CCDC106: variants seen among roughly 807,000 people sequenced by gnomAD.
The protein encoded by CCDC106 is coiled-coil domain containing 106, also known as coiled-coil domain-containing protein 106.
A neutral mutation model predicts 24.7 loss-of-function variants in CCDC106; 17 were observed. That is an observed-to-expected ratio of 0.69 (90% CI 0.47 to 1.03). The LOEUF is 1.03. Ranked by LOEUF, CCDC106 falls within the 50% of genes least tolerant of loss-of-function variation. The pLI is 0.00. For missense variants in CCDC106, 337 were observed against 388.9 expected, an observed-to-expected ratio of 0.87 and a Z score of 1.12; for synonymous variants, 211 against 161.3, an observed-to-expected ratio of 1.31 and a Z score of -2.34.
chr19:55,651,624 C>T (rs1042766196), intron 4 of CCDC106, 129 bp downstream of exon 4: 2 of 645,000 alleles, frequency 3.1e-6, no homozygotes, highest in East Asian at 5.6e-5. Flanking sequence ...CGGGTTCTGT[C>T]TCTCCCTCCT....
chr19:55,652,939 G>C lies in CCDC106; in HGVS notation c.*193G>C, dbSNP rs1001037145. On this transcript the variant is annotated 3_prime_UTR_variant, in exon 5 of 5. Transcript: ENST00000586790. The surrounding 1 kb of genome is among the most constrained non-coding windows in gnomAD (Gnocchi z 5.9). ...TTCCCGAACGCCGGCACCCCCTTCC[G>C]CTTGGGCTGCCCAGCCCTGTCCTCG... 1 of 577,104 alleles carries C rather than the reference G, an allele frequency of 1.7e-6. No individual in the cohort carries two copies. Among genetic ancestry groups the C allele is most frequent in the Admixed American group, 3.1e-5 (1 of 31,970 alleles). 35.7% of individuals were successfully genotyped at this position (577,104 alleles called of 1,614,324 possible).
rs1051593881 is a variant in CCDC106, at chr19:55,648,229, G to T, written c.-818G>T. ...CACTTTGCAGACGCTCCCCGGCGCC[G>T]GGCATGGGCGCCGCCGCCGTCGGTC... On this transcript the variant is annotated 5_prime_UTR_variant, in exon 1 of 5. Transcript: ENST00000586790. 2.0e-5 allele frequency: 3 copies of T among 152,106 alleles called. No individual in the cohort carries two copies. The highest frequency in any genetic ancestry group is 6.5e-5 in the Admixed American group (1 of 15,284). The allele number at this position is 152,106 out of a possible 1,614,324, so 9.4% of individuals were successfully genotyped here.
intron 3 of CCDC106, among the ~76,000 whole-genome samples, chr19:55,650,398 G>A (rs925231888): frequency 2.0e-5 from 3 of 152,114 alleles, no homozygotes; most frequent in Admixed American, 6.5e-5. Flanking sequence ...TTCCCCGGAT[G>A]GTCAGGCCGT....
Position 55,652,457 on chromosome 19 carries a change from G to A in CCDC106, c.554G>A (p.Arg185Gln). 1 of 1,606,524 alleles carries A rather than the reference G, an allele frequency of 6.2e-7. No individual in the cohort carries two copies. The highest frequency in any genetic ancestry group is 8.5e-7 in the Non-Finnish European group (1 of 1,174,912). The change falls in exon 5 of 5, where the codon CGG becomes CAG. Residue 185 changes from arginine to glutamine, a missense_variant. Arg to Gln is a conservative substitution (Grantham distance 43). Around this residue, in one of 2 missense-constraint regions of CCDC106, gnomAD observed 103 missense variants for 152.4 expected, o/e 0.68. Transcript: ENST00000586790. The surrounding 1 kb of genome is among the most constrained non-coding windows in gnomAD (Gnocchi z 5.9). Reference protein sequence around the residue: ...RVKDADGVLCRYKKILGTFQK... With the variant: ...RVKDADGVLCQYKKILGTFQK... The stretch of plus-strand genomic sequence containing the variant: ...AAGGACGCCGACGGGGTCCTCTGCC[G>A]GTACAAGAAGATCCTGGGCACCTTC...
In CCDC106 at chr19:55,652,647, C is replaced by G. The variant is rs1983399058; in HGVS notation, c.744C>G (p.Arg248=). 1 of 1,613,382 alleles carries G rather than the reference C, an allele frequency of 6.2e-7. No individual in the cohort carries two copies. The highest frequency in any genetic ancestry group is 2.2e-5 in the East Asian group (1 of 44,864). The change falls in exon 5 of 5, where the codon CGC becomes CGG. Residue 248 remains arginine (R), a synonymous_variant. Coordinates refer to ENST00000586790, the MANE Select transcript of CCDC106 (RefSeq NM_001370470.1). This position sits in a 1 kb window ranked among gnomAD's most constrained non-coding sequence, Gnocchi z 5.9. The part of the protein sequence containing the change: ...PSKERLLEYS[R]RCFLALDDET... ...AGGAGCGCCTGCTCGAGTACTCCCG[C>G]CGCTGCTTTCTGGCCCTGGACGACG...
At chr19:55,650,980 TC>T (rs1323597670) in intron 3 of CCDC106, among the ~76,000 whole-genome samples, 1 of 151,816 alleles carries the variant, frequency 6.6e-6, no homozygotes. Flanking sequence ...CAGAAATTTC[TC>T]CCTCCCCTAT....
intron 3 of CCDC106, 45 bp from the exon 4 acceptor site, chr19:55,651,238 G>A: frequency 1.4e-6 from 2 of 1,422,252 alleles, no homozygotes; most frequent in Non-Finnish European, 2.0e-6. Context: ...ACCTGTGATG[G>A]GATGTCTGGT....
intron 3 of CCDC106, among the ~76,000 whole-genome samples, chr19:55,649,990 T>G (rs1419060063): frequency 6.6e-6 from 1 of 152,160 alleles, no homozygotes; most frequent in Non-Finnish European, 1.5e-5. Context: ...AGGGGGCCCC[T>G]GCTCCTCCTC....
Position 55,649,444 on chromosome 19 carries a change from T to C in CCDC106, c.173T>C (p.Met58Thr). Residue 58 changes from methionine to threonine, a missense_variant, in exon 3 of 5, where the codon ATG becomes ACG. Met to Thr is a moderately conservative substitution (Grantham distance 81). Transcript: ENST00000586790. ...GCTGCGTCCTCCGCCCTGGCTCTGA[T>C]GAACAGCGTCAAGACCCAGCTGCAC... ...PEAASSALAL[M>T]NSVKTQLHMA... 1.2e-6 allele frequency: 2 copies of C among 1,614,128 alleles called. No individual in the cohort carries two copies. The highest frequency in any genetic ancestry group is 1.7e-6 in the Non-Finnish European group (2 of 1,179,998).
Position 55,649,579 on chromosome 19 carries a change from A to T in CCDC106, c.308A>T (p.Glu103Val). The change falls in exon 3 of 5, where the codon GAG (glutamate) becomes GTG (valine). Residue 103 changes from glutamate to valine, a missense_variant. Around this residue, in one of 2 missense-constraint regions of CCDC106, gnomAD observed 234 missense variants for 236.5 expected, o/e 0.99. Coordinates refer to ENST00000586790, the MANE Select transcript of CCDC106 (RefSeq NM_001370470.1). ...AAATTCATCTCTTCTGCTCGGATGG[A>T]GGCAGGTGTGTGTGGGGTGCTCTGA... ...LDKFISSARM[E>V]AEDHCRMKPG... The T allele has an allele frequency of 6.2e-7, 1 of 1,613,516 alleles. No individual in the cohort carries two copies. Among genetic ancestry groups the T allele is most frequent in the Non-Finnish European group, 8.5e-7 (1 of 1,179,680 alleles).
intron 3 of CCDC106, among the ~76,000 whole-genome samples, chr19:55,649,917 C>A (rs1983129489): frequency 6.6e-6 from 1 of 152,046 alleles, no homozygotes; most frequent in African/African-American, 2.4e-5. Context: ...TCTTCTGACT[C>A]CTAGGGGGAC....
chr19:55,652,704 G>A lies in CCDC106; in HGVS notation c.801G>A (p.Lys267=). 1 of 1,612,828 alleles carries A rather than the reference G, an allele frequency of 6.2e-7. No homozygotes were observed. Among genetic ancestry groups the A allele is most frequent in the Non-Finnish European group, 8.5e-7 (1 of 1,179,864 alleles). The change falls in exon 5 of 5, where the codon AAG becomes AAA. Residue 267 remains lysine, a synonymous_variant. Coordinates refer to ENST00000586790, the MANE Select transcript of CCDC106 (RefSeq NM_001370470.1). This position sits in a 1 kb window ranked among gnomAD's most constrained non-coding sequence, Gnocchi z 5.9. ...ETLKKVQALK[K]SKLLLPITYR... is the part of the protein sequence containing the mutation. ...TCAAGAAGGTGCAGGCGCTCAAGAA[G>A]AGCAAGCTGCTGCTGCCCATCACCT...
rs767261999 is a variant in CCDC106, at chr19:55,652,755, C to G, written c.*9C>G. On this transcript the variant is annotated 3_prime_UTR_variant, in exon 5 of 5. Coordinates refer to ENST00000586790, the MANE Select transcript of CCDC106 (RefSeq NM_001370470.1). The surrounding 1 kb of genome is among the most constrained non-coding windows in gnomAD (Gnocchi z 5.9). ...ACCGCTTCAAGCGGTGATCGCACCA[C>G]GCCTCCGCGCCTCCACCCGGGCCTT... The G allele has an allele frequency of 1.3e-6, 2 of 1,594,582 alleles. No individual in the cohort carries two copies. The highest frequency in any genetic ancestry group is 1.3e-5 in the African/African-American group (1 of 74,514).
rs144532715 is a variant in CCDC106 at position 55,652,553 on chromosome 19, C to T, written c.650C>T (p.Thr217Met). Reference sequence around the variant, plus strand: ...GACAGGAACACCGTGGCGCTGACCACGCCCATCGCCGAGCTGCTCATTGTG... The same window carrying T: ...GACAGGAACACCGTGGCGCTGACCATGCCCATCGCCGAGCTGCTCATTGTG... ...RVDRNTVALTTPIAELLIVAP... is the reference protein window; with the variant it reads ...RVDRNTVALTMPIAELLIVAP... Residue 217 changes from threonine (T) to methionine (M), a missense_variant, in exon 5 of 5, where the codon ACG (threonine) becomes ATG (methionine). Transcript: ENST00000586790. This position sits in a 1 kb window ranked among gnomAD's most constrained non-coding sequence, Gnocchi z 5.9. 4.3e-6 allele frequency: 7 copies of T among 1,613,488 alleles called. No individual in the cohort carries two copies. Among genetic ancestry groups the T allele is most frequent in the Non-Finnish European group, 5.9e-6 (7 of 1,179,974 alleles).
Position 55,648,627 on chromosome 19 carries a change from C to T in CCDC106, c.-420C>T, listed in dbSNP as rs1600055195. On this transcript the variant is annotated 5_prime_UTR_variant, in exon 1 of 5. Coordinates refer to ENST00000586790, the MANE Select transcript of CCDC106 (RefSeq NM_001370470.1). Reference sequence around the variant, plus strand: ...GGGCAGTTTCCCCCTGCACCTGCCTCTTCCTTAGGCCTGGCAGTGGCCCGC... The same window carrying T: ...GGGCAGTTTCCCCCTGCACCTGCCTTTTCCTTAGGCCTGGCAGTGGCCCGC... The T allele has an allele frequency of 9.2e-6, 2 of 218,378 alleles. No homozygotes were observed. Among genetic ancestry groups the T allele is most frequent in the East Asian group, 2.2e-4 (2 of 8,926 alleles). The allele number at this position is 218,378 out of a possible 1,614,324, so 13.5% of individuals were successfully genotyped here. A position where few individuals can be genotyped will look rare whatever the true frequency, so the allele number is the denominator to read the frequency against.
rs144993383 is a variant in CCDC106, at chr19:55,652,297, C to T, written c.527-133C>T. 397 of 709,912 alleles carry T rather than the reference C, an allele frequency of 5.6e-4. No individual in the cohort carries two copies. In the African/African-American group the frequency reaches 5.7e-3, roughly 10 times the overall value. 44.0% of individuals were successfully genotyped at this position (709,912 alleles called of 1,614,324 possible). A position where few individuals can be genotyped will look rare whatever the true frequency, so the allele number is the denominator to read the frequency against. ...TGCCCCTTCCTTGCCTGTTGTTCTC[C>T]GTCTCCACCTGCACCGGCCCGTGCC... On this transcript the variant is annotated intron_variant, in intron 4 of 4. Transcript: ENST00000586790. This position sits in a 1 kb window ranked among gnomAD's most constrained non-coding sequence, Gnocchi z 5.9.
At chr19:55,648,076 GGC>G (rs1982974319), upstream of CCDC106, 1 of 152,290 alleles carries the variant, frequency 6.6e-6, no homozygotes, top group Admixed American at 6.5e-5. Context: ...TTCAACGAGG[GGC>G]GCTAGCCTGG....
upstream of CCDC106, chr19:55,648,083 G>A (rs1229340098): frequency 6.6e-6 from 1 of 152,288 alleles, no homozygotes. Context: ...AGGGGCGCTA[G>A]CCTGGCCCGA....
rs1600058361 is a variant in CCDC106 at position 55,651,348 on chromosome 19, G to A, written c.379G>A (p.Gly127Ser). Residue 127 changes from glycine (G) to serine (S), a missense_variant, in exon 4 of 5, where the codon GGC (glycine) becomes AGC (serine). Transcript: ENST00000586790. ...MEGDSRGGAGGEASDPESAAS... is the reference protein window; with the variant it reads ...MEGDSRGGAGSEASDPESAAS... Reference sequence around the variant, plus strand: ...GGGGGACAGCCGTGGTGGGGCTGGGGGCGAGGCCTCGGACCCTGAGTCAGC... The same window carrying A: ...GGGGGACAGCCGTGGTGGGGCTGGGAGCGAGGCCTCGGACCCTGAGTCAGC... 6.2e-7 allele frequency: 1 copy of A among 1,613,308 alleles called. No individual in the cohort carries two copies.
Sources: gnomAD v4.1 joint callset for allele counts (sites outside exome capture counted in the v4.1 genomes callset) on GRCh38, gnomAD v4.1.1 for gene constraint, gnomAD v4.1.1 regional missense constraint, Gnocchi (gnomAD v3.1) non-coding constraint, MANE v1.5 for transcripts, NCBI Gene and HGNC (gene_info 2026-07-23, HGNC 2026-07-21) for gene names.